The following CRPPA variants were observed in gnomAD, a reference collection of about 807,000 sequenced individuals.
The protein encoded by CRPPA is D-ribitol-5-phosphate cytidylyltransferase.
A neutral mutation model predicts 52.0 loss-of-function variants in CRPPA; 43 were observed. That is an observed-to-expected ratio of 0.83 (90% CI 0.65 to 1.07). The LOEUF (loss-of-function observed/expected upper bound fraction) is 1.07, where lower values mean the gene tolerates loss of function less well. Among genes scored for constraint, CRPPA ranks in the 50% least tolerant of loss-of-function variants. The pLI, the probability that CRPPA is intolerant of heterozygous loss-of-function variation, is 0.00. For synonymous variants in CRPPA, 250 were observed against 203.5 expected (o/e 1.23, Z -1.94); for missense variants, 629 against 551.7 (o/e 1.14, Z -1.40).
In CRPPA at chr7:16,091,528, A is replaced by C. The variant is rs879705322; in HGVS notation, c.*167T>G. ...TACACAAAAGTATTCTTTATTTCACAGATATAAACATTAATCTGCTTTATA... is the reference window on the plus strand; with the variant it reads ...TACACAAAAGTATTCTTTATTTCACCGATATAAACATTAATCTGCTTTATA... On this transcript the variant is annotated 3_prime_UTR_variant, in exon 10 of 10. Coordinates refer to ENST00000407010, the MANE Select transcript of CRPPA (RefSeq NM_001101426.4). 11 of 507,372 alleles carry C rather than the reference A, an allele frequency of 2.2e-5. No homozygotes were observed. The highest frequency in any genetic ancestry group is 3.1e-5 in the Non-Finnish European group (9 of 293,244). 31.4% of individuals were successfully genotyped at this position (507,372 alleles called of 1,614,324 possible).
chr7:16,174,785 A>G (rs546110643), intron 9 of CRPPA, among the ~76,000 whole-genome samples: 2 of 152,208 alleles, frequency 1.3e-5, no homozygotes, highest in Non-Finnish European at 2.9e-5. Context: ...TAGAAGAATT[A>G]TATCTTTCAG....
intron 5 of CRPPA, among the ~76,000 whole-genome samples, chr7:16,285,446 A>T (rs1371854165): frequency 6.6e-6 from 1 of 152,162 alleles, no homozygotes; most frequent in Non-Finnish European, 1.5e-5. Flanking sequence ...GGCCAGTGGC[A>T]GATGGCAAAA....
At chr7:16,282,281 C>T (rs780395451) in intron 5 of CRPPA, among the ~76,000 whole-genome samples, 2 of 152,066 alleles carry the variant, frequency 1.3e-5, no homozygotes, top group Admixed American at 6.5e-5. Context: ...CCTTTTCACT[C>T]GCTTTCATTT....
chr7:16,183,083 G>C (rs1781443088), intron 9 of CRPPA, among the ~76,000 whole-genome samples: 2 of 152,052 alleles, frequency 1.3e-5, no homozygotes, highest in Admixed American at 6.6e-5. Flanking sequence ...GGTAACTAAA[G>C]ACCCCAGGGA....
intron 4 of CRPPA, among the ~76,000 whole-genome samples, chr7:16,303,165 T>G (rs956164378): frequency 6.6e-6 from 1 of 152,108 alleles, no homozygotes; most frequent in African/African-American, 2.4e-5. Context: ...TTTTAATAGA[T>G]TGGTTGAATT....
intron 8 of CRPPA, among the ~76,000 whole-genome samples, chr7:16,217,100 G>C (rs1447166110): frequency 5.4e-5 from 8 of 149,242 alleles, no homozygotes; most frequent in South Asian, 2.2e-4. Flanking sequence ...ATCTGAGAAC[G>C]GGCAGACTGC....
intron 2 of CRPPA, among the ~76,000 whole-genome samples, 174 bp downstream of exon 2, chr7:16,405,887 G>A (rs981848722): frequency 1.3e-5 from 2 of 152,136 alleles, no homozygotes; most frequent in South Asian, 4.1e-4. Context: ...CAAAAGATAT[G>A]TTCCAGAACA....
At chr7:16,395,338 G>A (rs1787542488) in intron 2 of CRPPA, among the ~76,000 whole-genome samples, 1 of 152,066 alleles carries the variant, frequency 6.6e-6, no homozygotes, top group African/African-American at 2.4e-5. Flanking sequence ...CCATACAGCA[G>A]GCACTAACAT....
chr7:16,206,544 AG>A (rs1433406247), intron 9 of CRPPA, among the ~76,000 whole-genome samples: 2 of 151,900 alleles, frequency 1.3e-5, no homozygotes, highest in Non-Finnish European at 2.9e-5. Context: ...GAAAGTTTTG[AG>A]CCATAAGTAC....
At chr7:16,408,179 A>G (rs1384704442) in intron 1 of CRPPA, among the ~76,000 whole-genome samples, 2 of 152,188 alleles carry the variant, frequency 1.3e-5, no homozygotes, top group East Asian at 3.9e-4. Flanking sequence ...CAGAACTTAC[A>G]GACATGAAAC....
At chr7:16,115,956 G>A (rs1457881316) in intron 9 of CRPPA, among the ~76,000 whole-genome samples, 1 of 152,032 alleles carries the variant, frequency 6.6e-6, no homozygotes, top group Non-Finnish European at 1.5e-5. Context: ...TAATACATTT[G>A]GAAAGAATGA....
At chr7:16,224,513 T>C (rs1782599521) in intron 8 of CRPPA, among the ~76,000 whole-genome samples, 1 of 152,166 alleles carries the variant, frequency 6.6e-6, no homozygotes, top group Non-Finnish European at 1.5e-5. Context: ...ATGCACTGCT[T>C]AATGCCCACC....
intron 1 of CRPPA, among the ~76,000 whole-genome samples, chr7:16,414,422 A>G (rs1788144871): frequency 6.6e-6 from 1 of 151,302 alleles, no homozygotes; most frequent in South Asian, 2.1e-4. Context: ...CTTTCCTTGT[A>G]TATTTAAACC....
intron 9 of CRPPA, among the ~76,000 whole-genome samples, chr7:16,131,098 A>G (rs548846256): frequency 6.6e-6 from 1 of 152,330 alleles, no homozygotes; most frequent in Non-Finnish European, 1.5e-5. Flanking sequence ...CACCAAGTCT[A>G]TTGTACTGTT....
intron 9 of CRPPA, among the ~76,000 whole-genome samples, chr7:16,112,786 T>TG (rs1782293153): frequency 6.6e-6 from 1 of 152,078 alleles, no homozygotes; most frequent in South Asian, 2.1e-4. Context: ...GGGAGAAGAA[T>TG]GGGAACTCCT....
intron 1 of CRPPA, among the ~76,000 whole-genome samples, chr7:16,407,069 G>T (rs906572653): frequency 2.6e-5 from 4 of 152,150 alleles, no homozygotes; most frequent in Admixed American, 2.6e-4. Context: ...TCTGCCTCCT[G>T]GGTTCAAACG....
chr7:16,321,685 G>A (rs1785268523), intron 3 of CRPPA, among the ~76,000 whole-genome samples: 1 of 152,066 alleles, frequency 6.6e-6, no homozygotes. Flanking sequence ...AGAAAGAGTA[G>A]GTCTGTTGGT....
chr7:16,305,434 A>G (rs1218941915), intron 4 of CRPPA, among the ~76,000 whole-genome samples: 3 of 152,354 alleles, frequency 2.0e-5, no homozygotes, highest in South Asian at 2.1e-4. Flanking sequence ...CTCATTCATA[A>G]GAGTAGAGCT....
At chr7:16,369,219 C>A (rs781445916) in intron 3 of CRPPA, among the ~76,000 whole-genome samples, 2 of 152,086 alleles carry the variant, frequency 1.3e-5, no homozygotes, top group Non-Finnish European at 2.9e-5. Flanking sequence ...ATTTTAAGGG[C>A]TCCCAACACT....
Sources: gnomAD v4.1 joint callset for allele counts (sites outside exome capture counted in the v4.1 genomes callset) on GRCh38, gnomAD v4.1.1 for gene constraint, MANE v1.5 for transcripts, NCBI Gene and HGNC (gene_info 2026-07-23, HGNC 2026-07-21) for gene names.